Variants in PPARGC1A observed in about 807,000 individuals in gnomAD.
PPARGC1A encodes the protein PPARG coactivator 1 alpha.
PPARGC1A carries 25 observed loss-of-function variants against 88.7 expected under a neutral mutation model. The ratio of observed to expected loss-of-function variants is 0.28; its 90% CI spans 0.21 to 0.39. The LOEUF (loss-of-function observed/expected upper bound fraction) is 0.39, where lower values mean the gene tolerates loss of function less well. Ranked by LOEUF, PPARGC1A falls within the 10% of genes least tolerant of loss-of-function variation. PPARGC1A has a pLI of 1.00. For missense variants in PPARGC1A, 880 were observed against 968.7 expected (o/e 0.91, Z 1.22); for synonymous variants, 363 against 355.6 (o/e 1.02, Z -0.24).
chr4:24,254,689 CG>C, the PPARGC1A span, among the ~76,000 whole-genome samples: 3 of 152,160 alleles, frequency 2.0e-5, no homozygotes, highest in Non-Finnish European at 4.4e-5. Flanking sequence ...ATCCTGGCCT[CG>C]GGATAACACT....
At chr4:24,381,905 G>A in the PPARGC1A span, among the ~76,000 whole-genome samples, 9 of 152,130 alleles carry the variant, frequency 5.9e-5, no homozygotes, top group Non-Finnish European at 1.3e-4. Flanking sequence ...TTGTGTTGTG[G>A]TTCTCATTGG....
the PPARGC1A span, among the ~76,000 whole-genome samples, chr4:24,075,016 A>C: frequency 6.6e-6 from 1 of 152,240 alleles, no homozygotes; most frequent in South Asian, 2.1e-4. Context: ...CCTCCCTTCA[A>C]GTCTCAGAAG....
At chr4:24,018,132 G>A in the PPARGC1A span, among the ~76,000 whole-genome samples, 3 of 152,092 alleles carry the variant, frequency 2.0e-5, no homozygotes, top group East Asian at 5.8e-4. Flanking sequence ...CCACTCCTGA[G>A]GTATGAATAT....
intron 1 of PPARGC1A, among the ~76,000 whole-genome samples, chr4:23,887,206 C>T (rs1167692104): frequency 6.6e-6 from 1 of 151,312 alleles, no homozygotes; most frequent in Non-Finnish European, 1.5e-5. Flanking sequence ...CTCGTGCGCT[C>T]TCTCTCTCTC....
At chr4:24,106,531 C>T in the PPARGC1A span, among the ~76,000 whole-genome samples, 28 of 152,308 alleles carry the variant, frequency 1.8e-4, no homozygotes, top group South Asian at 3.9e-3. Context: ...TTCTTAATCT[C>T]AAGAGAAACT....
chr4:24,095,350 C>T, the PPARGC1A span, among the ~76,000 whole-genome samples: 8 of 152,114 alleles, frequency 5.3e-5, no homozygotes, highest in African/African-American at 7.2e-5. Flanking sequence ...CTCCTGACCT[C>T]AAGTGATCTG....
At chr4:23,920,975 G>T in the PPARGC1A span, among the ~76,000 whole-genome samples, 1 of 152,118 alleles carries the variant, frequency 6.6e-6, no homozygotes, top group Non-Finnish European at 1.5e-5. Flanking sequence ...TAAACAGCAA[G>T]GAGGCTAGAG....
chr4:24,350,067 T>C, the PPARGC1A span, among the ~76,000 whole-genome samples: 4 of 152,216 alleles, frequency 2.6e-5, no homozygotes, highest in African/African-American at 7.2e-5. Flanking sequence ...CAAACAGACC[T>C]TCAGCTTCTC....
chr4:24,295,213 C>G, the PPARGC1A span, among the ~76,000 whole-genome samples: 1 of 151,952 alleles, frequency 6.6e-6, no homozygotes. Context: ...TTAAGTTTAC[C>G]CAAAAAGGAA....
the PPARGC1A span, among the ~76,000 whole-genome samples, chr4:24,269,661 T>C: frequency 5.4e-5 from 8 of 148,960 alleles, no homozygotes; most frequent in South Asian, 4.3e-4. Context: ...CACACTTTAT[T>C]ATCATCATCA....
the PPARGC1A span, among the ~76,000 whole-genome samples, chr4:24,025,292 T>TATA: frequency 6.6e-6 from 1 of 152,124 alleles, no homozygotes; most frequent in African/African-American, 2.4e-5. Flanking sequence ...TGTACTTTAT[T>TATA]AACACAGAAC....
the PPARGC1A span, among the ~76,000 whole-genome samples, chr4:24,186,862 A>G: frequency 6.6e-6 from 1 of 152,190 alleles, no homozygotes; most frequent in African/African-American, 2.4e-5. Context: ...AAATTTAAAA[A>G]AACTGTATAC....
the PPARGC1A span, among the ~76,000 whole-genome samples, chr4:24,175,122 G>A: frequency 2.0e-5 from 3 of 152,166 alleles, no homozygotes; most frequent in East Asian, 5.8e-4. Context: ...TTCATTGTTG[G>A]GTAAGAATGC....
chr4:24,156,726 TTC>T, the PPARGC1A span, among the ~76,000 whole-genome samples: 52 of 151,012 alleles, frequency 3.4e-4, no homozygotes, highest in African/African-American at 1.1e-3. Flanking sequence ...TTGCGGTCTT[TTC>T]TCTCTCTCTT....
the PPARGC1A span, among the ~76,000 whole-genome samples, chr4:24,222,400 A>G: frequency 6.6e-6 from 1 of 152,232 alleles, no homozygotes; most frequent in Non-Finnish European, 1.5e-5. Flanking sequence ...TTCCTCATCC[A>G]TCAATGGGAA....
At chr4:24,059,432 C>A in the PPARGC1A span, among the ~76,000 whole-genome samples, 1 of 152,158 alleles carries the variant, frequency 6.6e-6, no homozygotes, top group African/African-American at 2.4e-5. Flanking sequence ...CAAGCCCAAG[C>A]AAGCTGTTTT....
intron 11 of PPARGC1A, 130 bp from the exon 12 acceptor site, chr4:23,802,011 GT>G: frequency 7.6e-7 from 1 of 1,308,768 alleles, no homozygotes; most frequent in Non-Finnish European, 1.1e-6. Context: ...CAGTGTGATT[GT>G]CCTGTCAAGC....
At chr4:23,798,170 G>A (rs952285285) in intron 12 of PPARGC1A, among the ~76,000 whole-genome samples, 4 of 151,776 alleles carry the variant, frequency 2.6e-5, no homozygotes, top group South Asian at 2.1e-4. Flanking sequence ...GACTCAGCCC[G>A]CCTGCACCCA....
the PPARGC1A span, among the ~76,000 whole-genome samples, chr4:24,223,120 G>A: frequency 1.3e-5 from 2 of 152,022 alleles, no homozygotes; most frequent in Non-Finnish European, 2.9e-5. Flanking sequence ...CTATAAATTT[G>A]TATTTAAAAA....
Sources: gnomAD v4.1 joint callset for allele counts (sites outside exome capture counted in the v4.1 genomes callset) on GRCh38, gnomAD v4.1.1 for gene constraint, MANE v1.5 for transcripts, NCBI Gene and HGNC (gene_info 2026-07-23, HGNC 2026-07-21) for gene names.